The following MIPOL1 variants were observed in gnomAD, a reference collection of about 807,000 sequenced individuals.
The protein encoded by MIPOL1 is mirror-image polydactyly gene 1 protein.
A neutral mutation model predicts 60.9 loss-of-function variants in MIPOL1; 57 were observed. That is an observed-to-expected ratio of 0.94 (90% CI 0.76 to 1.17). The LOEUF (loss-of-function observed/expected upper bound fraction) is 1.17, where lower values mean the gene tolerates loss of function less well. Among genes scored for constraint, MIPOL1 ranks in the 50% most tolerant of loss-of-function variants. MIPOL1 has a pLI of 0.00. For missense variants in MIPOL1, 551 were observed against 511.6 expected, an observed-to-expected ratio of 1.08 and a Z score of -0.74; for synonymous variants, 179 against 168.8, an observed-to-expected ratio of 1.06 and a Z score of -0.47.
chr14:37,545,953 A>G (rs1490430980), intron 12 of MIPOL1: 2 of 275,192 alleles, frequency 7.3e-6, no homozygotes, highest in African/African-American at 4.3e-5. Flanking sequence ...ACTGCTAGGC[A>G]TGATATTTAC....
At chr14:37,235,174 A>G (rs908020146) in intron 1 of MIPOL1, among the ~76,000 whole-genome samples, 1 of 151,948 alleles carries the variant, frequency 6.6e-6, no homozygotes, top group Non-Finnish European at 1.5e-5. Context: ...CTTCTGAGCT[A>G]TTGTTCTCTC....
chr14:37,263,255 G>A (rs1375791766), intron 3 of MIPOL1, among the ~76,000 whole-genome samples: 1 of 152,034 alleles, frequency 6.6e-6, no homozygotes, highest in Non-Finnish European at 1.5e-5. Flanking sequence ...TAATTCATTA[G>A]ATCATGAAAA....
chr14:37,462,369 T>G (rs978843758), intron 11 of MIPOL1, among the ~76,000 whole-genome samples: 2 of 152,174 alleles, frequency 1.3e-5, no homozygotes, highest in Non-Finnish European at 2.9e-5. Flanking sequence ...AAACCACTTT[T>G]TCCTCCTAGG....
intron 9 of MIPOL1, among the ~76,000 whole-genome samples, chr14:37,366,404 A>G (rs947726418): frequency 6.6e-6 from 1 of 151,512 alleles, no homozygotes; most frequent in Non-Finnish European, 1.5e-5. Flanking sequence ...TTCTTCATCG[A>G]CCCCCTGGTC....
intron 1 of MIPOL1, among the ~76,000 whole-genome samples, chr14:37,224,634 C>T (rs756254129): frequency 6.6e-6 from 1 of 152,112 alleles, no homozygotes; most frequent in Non-Finnish European, 1.5e-5. Context: ...GTCCCTCCTA[C>T]AACATGAGGG....
intron 1 of MIPOL1, among the ~76,000 whole-genome samples, chr14:37,228,320 CTTTTCT>C (rs1170261976): frequency 7.7e-6 from 1 of 129,522 alleles, no homozygotes; most frequent in African/African-American, 3.1e-5. Flanking sequence ...TGATTTCTTT[CTTTTCT>C]TTTTTTTTTT....
intron 1 of MIPOL1, 21 bp downstream of exon 1, chr14:37,198,125 G>A (rs1223612268): frequency 6.6e-6 from 1 of 152,342 alleles, no homozygotes; most frequent in Non-Finnish European, 1.5e-5. Flanking sequence ...GGGCAGGGAG[G>A]TTTGGGCGAC....
intron 7 of MIPOL1, among the ~76,000 whole-genome samples, chr14:37,292,168 G>A (rs774571767): frequency 1.3e-4 from 19 of 151,814 alleles, no homozygotes; most frequent in African/African-American, 2.7e-4. Flanking sequence ...CTCATGATCC[G>A]CCCGCTTTGG....
At chr14:37,466,109 G>A (rs2094595425) in intron 11 of MIPOL1, among the ~76,000 whole-genome samples, 1 of 152,134 alleles carries the variant, frequency 6.6e-6, no homozygotes, top group Non-Finnish European at 1.5e-5. Flanking sequence ...AGAGTGTCTT[G>A]CAACAGAAAT....
intron 1 of MIPOL1, among the ~76,000 whole-genome samples, chr14:37,230,899 C>T (rs1440306667): frequency 6.6e-6 from 1 of 151,954 alleles, no homozygotes; most frequent in Non-Finnish European, 1.5e-5. Context: ...CAATATTTTA[C>T]CTATTCATTA....
intron 10 of MIPOL1, among the ~76,000 whole-genome samples, chr14:37,398,124 C>G (rs2093412404): frequency 6.6e-6 from 1 of 152,086 alleles, no homozygotes; most frequent in Admixed American, 6.5e-5. Flanking sequence ...GCTTGGGGAC[C>G]CAGCAGGCTC....
chr14:37,423,012 A>G, intron 11 of MIPOL1, 63 bp downstream of exon 11: 5 of 1,013,612 alleles, frequency 4.9e-6, no homozygotes, highest in Non-Finnish European at 7.5e-6. Context: ...TTTCTACCTG[A>G]TTTTACAATA....
intron 11 of MIPOL1, 117 bp downstream of exon 11, chr14:37,423,066 A>G: frequency 1.6e-6 from 1 of 620,966 alleles, no homozygotes; most frequent in South Asian, 2.3e-5. Context: ...TTATGCACTT[A>G]AAGCATTTTT....
intron 7 of MIPOL1, among the ~76,000 whole-genome samples, chr14:37,292,287 T>C (rs1427272061): frequency 1.3e-5 from 2 of 151,892 alleles, no homozygotes; most frequent in Non-Finnish European, 2.9e-5. Flanking sequence ...TCATAGCACG[T>C]TGGTTGATGT....
At chr14:37,328,902 G>C (rs1270200876) in intron 9 of MIPOL1, among the ~76,000 whole-genome samples, 1 of 152,110 alleles carries the variant, frequency 6.6e-6, no homozygotes, top group African/African-American at 2.4e-5. Context: ...GGGCAGTTTT[G>C]TACTGAGCTG....
chr14:37,221,398 CT>C (rs1174575215), intron 1 of MIPOL1, among the ~76,000 whole-genome samples: 12 of 152,162 alleles, frequency 7.9e-5, no homozygotes, highest in Non-Finnish European at 1.8e-4. Flanking sequence ...ACCTAATCAC[CT>C]TTTAACAGTC....
intron 12 of MIPOL1, among the ~76,000 whole-genome samples, chr14:37,543,108 C>T (rs2095535804): frequency 1.3e-5 from 2 of 152,296 alleles, no homozygotes; most frequent in African/African-American, 4.8e-5. Flanking sequence ...AGTCAGCCAT[C>T]TTGCCCAATC....
chr14:37,383,039 C>G (rs558690384), intron 10 of MIPOL1, among the ~76,000 whole-genome samples: 1 of 151,648 alleles, frequency 6.6e-6, no homozygotes, highest in South Asian at 2.1e-4. Flanking sequence ...ATGAATGTCA[C>G]CCTCTTGGAG....
At chr14:37,373,281 G>C (rs1485501689) in intron 10 of MIPOL1, among the ~76,000 whole-genome samples, 2 of 152,100 alleles carry the variant, frequency 1.3e-5, no homozygotes, top group African/African-American at 4.8e-5. Flanking sequence ...GGGATTACAG[G>C]CATGAGTCAC....
Sources: allele counts gnomAD v4.1 joint callset (sites outside exome capture counted in the v4.1 genomes callset), GRCh38; gene constraint gnomAD v4.1.1; transcripts MANE v1.5; gene names NCBI Gene and HGNC (gene_info 2026-07-23, HGNC 2026-07-21).